Variants in CADM2 observed in about 807,000 individuals in gnomAD.
CADM2 encodes immunoglobulin superfamily member 4D.
In CADM2, 12 loss-of-function variants were observed where a neutral mutation model predicts 49.8. The ratio of observed to expected loss-of-function variants is 0.24; its 90% CI spans 0.15 to 0.39. The LOEUF is 0.39. Ranked by LOEUF, CADM2 falls within the 10% of genes least tolerant of loss-of-function variation. CADM2 has a pLI of 1.00. For synonymous variants in CADM2, 214 were observed against 175.4 expected (o/e 1.22, Z -1.74); for missense variants, 378 against 492.3 (o/e 0.77, Z 2.20).
intron 1 of CADM2, among the ~76,000 whole-genome samples, chr3:84,963,773 T>C (rs1453178005): frequency 6.6e-6 from 1 of 152,224 alleles, no homozygotes; most frequent in Non-Finnish European, 1.5e-5. Context: ...ATACACTTAA[T>C]GAAATACTTA....
In CADM2 at chr3:86,051,300, T is replaced by C. The variant is rs577077286; in HGVS notation, c.971-14305T>C. On this transcript the variant is annotated intron_variant, in intron 8 of 9. Transcript: ENST00000383699. ...ACGTGACCTTTGCTCCAGTTCCCAG[T>C]AAGTTCTTTATCTGTATCTGAGACT... is the stretch of plus-strand genomic sequence containing the variant. Among the ~76,000 whole-genome samples the C allele has an allele frequency of 3.3e-4, 50 of 152,290 alleles. No individual in the cohort carries two copies. The South Asian group carries it at 9.7e-3, about 30-fold the overall frequency.
intron 1 of CADM2, among the ~76,000 whole-genome samples, chr3:85,372,460 T>TGTATGTAA (rs373214293): frequency 1.3e-5 from 2 of 148,222 alleles, no homozygotes; most frequent in Non-Finnish European, 3.0e-5. Context: ...TATGTATATA[T>TGTATGTAA]ATGAGATCAA....
At chr3:86,060,711 C>A (rs1372302758) in intron 8 of CADM2, among the ~76,000 whole-genome samples, 1 of 151,998 alleles carries the variant, frequency 6.6e-6, no homozygotes, top group South Asian at 2.1e-4. Flanking sequence ...TGGCCGGATG[C>A]GGTGACTCAC....
intron 8 of CADM2, chr3:86,015,176 T>A: frequency 2.2e-6 from 1 of 446,894 alleles, no homozygotes; most frequent in Non-Finnish European, 4.0e-6. Flanking sequence ...AAAAGCCATA[T>A]GGTGTATGTA....
chr3:85,641,188 A>G (rs1231604042), intron 1 of CADM2, among the ~76,000 whole-genome samples: 2 of 152,154 alleles, frequency 1.3e-5, no homozygotes, highest in African/African-American at 2.4e-5. Context: ...TTGGTTCTTC[A>G]TCTTTTCTTA....
intron 2 of CADM2, among the ~76,000 whole-genome samples, chr3:85,768,821 T>A (rs1274280049): frequency 4.2e-5 from 3 of 71,814 alleles, no homozygotes; most frequent in Admixed American, 2.1e-4. Context: ...ATAGTATATA[T>A]ACACATATAT....
intron 7 of CADM2, among the ~76,000 whole-genome samples, chr3:85,948,569 C>T (rs1242981574): frequency 6.6e-6 from 1 of 151,190 alleles, no homozygotes; most frequent in East Asian, 1.9e-4. Context: ...TATTCCTTAG[C>T]CACTTACTCA....
chr3:85,682,978 T>G (rs1363959899), intron 1 of CADM2, among the ~76,000 whole-genome samples: 2 of 152,114 alleles, frequency 1.3e-5, no homozygotes, highest in African/African-American at 4.8e-5. Context: ...TCTCATGTCT[T>G]ATTGAATATG....
At chr3:85,117,958 T>C (rs2038704570) in intron 1 of CADM2, among the ~76,000 whole-genome samples, 1 of 152,170 alleles carries the variant, frequency 6.6e-6, no homozygotes, top group East Asian at 1.9e-4. Flanking sequence ...TGTATTCTTC[T>C]CAACTTTGTT....
intron 1 of CADM2, among the ~76,000 whole-genome samples, chr3:85,338,407 A>G (rs1348427694): frequency 2.0e-5 from 3 of 151,728 alleles, no homozygotes; most frequent in South Asian, 2.1e-4. Flanking sequence ...TTTAACCACT[A>G]TGTTAGTGGG....
chr3:85,641,803 C>T (rs1047344954), intron 1 of CADM2, among the ~76,000 whole-genome samples: 1 of 151,090 alleles, frequency 6.6e-6, no homozygotes, highest in Non-Finnish European at 1.5e-5. Context: ...TGGTGGCAGG[C>T]GCCTGTAGTC....
intron 1 of CADM2, among the ~76,000 whole-genome samples, chr3:85,594,639 T>C (rs1444011843): frequency 6.6e-6 from 1 of 151,930 alleles, no homozygotes; most frequent in East Asian, 1.9e-4. Context: ...GATAAGGGTA[T>C]AAGAAATACA....
chr3:84,983,562 G>A (rs1281336459), intron 1 of CADM2, among the ~76,000 whole-genome samples: 1 of 152,078 alleles, frequency 6.6e-6, no homozygotes, highest in Admixed American at 6.6e-5. Context: ...AGTTCTTAGA[G>A]GTGTCAGAAA....
chr3:85,169,104 C>G (rs898268574), intron 1 of CADM2, among the ~76,000 whole-genome samples: 1 of 152,060 alleles, frequency 6.6e-6, no homozygotes, highest in Admixed American at 6.6e-5. Flanking sequence ...AGGCGCCCAC[C>G]ACCAAGCCCA....
At chr3:85,471,456 A>ACAC (rs2038760193) in intron 1 of CADM2, among the ~76,000 whole-genome samples, 2 of 152,106 alleles carry the variant, frequency 1.3e-5, no homozygotes, top group Non-Finnish European at 2.9e-5. Flanking sequence ...TATTAGTGAA[A>ACAC]AGACAGAGAA....
intron 8 of CADM2, among the ~76,000 whole-genome samples, chr3:86,007,523 T>C (rs1305143390): frequency 6.6e-6 from 1 of 152,190 alleles, no homozygotes; most frequent in Non-Finnish European, 1.5e-5. Context: ...ATGGAGGAGC[T>C]TGCCAGGTTG....
At chr3:85,056,370 C>T (rs2107425516) in intron 1 of CADM2, among the ~76,000 whole-genome samples, 1 of 152,102 alleles carries the variant, frequency 6.6e-6, no homozygotes, top group South Asian at 2.1e-4. Context: ...GTCTTAGGCT[C>T]TTTTCATTTA....
At chr3:85,837,542 AT>A (rs993605584) in intron 3 of CADM2, among the ~76,000 whole-genome samples, 4 of 150,998 alleles carry the variant, frequency 2.6e-5, no homozygotes, top group African/African-American at 9.7e-5. Context: ...CAAAGTGGAG[AT>A]TTTTTTTTCC....
chr3:85,715,694 G>A (rs1206105630), intron 1 of CADM2, among the ~76,000 whole-genome samples: 12 of 151,900 alleles, frequency 7.9e-5, no homozygotes, highest in East Asian at 3.9e-4. Context: ...TGTGATGTTC[G>A]CCTCTCTGTG....
Sources: allele counts gnomAD v4.1 joint callset (sites outside exome capture counted in the v4.1 genomes callset), GRCh38; gene constraint gnomAD v4.1.1; transcripts MANE v1.5; gene names NCBI Gene and HGNC (gene_info 2026-07-23, HGNC 2026-07-21).